The following CHD1L variants were observed in gnomAD, a reference collection of about 807,000 sequenced individuals.
CHD1L encodes ATP-dependent chromatin remodeler CHD1L.
CHD1L carries 118 observed loss-of-function variants against 115.9 expected under a neutral mutation model. The ratio of observed to expected loss-of-function variants is 1.02; its 90% confidence interval spans 0.88 to 1.19. CHD1L has a LOEUF of 1.19. CHD1L is among the 50% of genes most tolerant of loss of function. The pLI is 0.00. For missense variants in CHD1L, 1,179 were observed against 1,065.3 expected, an observed-to-expected ratio of 1.11 and a Z score of -1.49; for synonymous variants, 411 against 387.1, an observed-to-expected ratio of 1.06 and a Z score of -0.72.
chr1:147,228,723 C>CTCA, the CHD1L span, among the ~76,000 whole-genome samples: 1 of 152,172 alleles, frequency 6.6e-6, no homozygotes, highest in East Asian at 1.9e-4. Flanking sequence ...GAGATGGTAT[C>CTCA]TCATTGTGGT....
the CHD1L span, among the ~76,000 whole-genome samples, chr1:147,234,325 A>G: frequency 6.6e-6 from 1 of 152,158 alleles, no homozygotes; most frequent in Non-Finnish European, 1.5e-5. Context: ...TGTCACCCCC[A>G]GGATCTGGTG....
At position 147,268,798 on chromosome 1, in the gene CHD1L, T is replaced by G. The variant is rs782802728; in HGVS notation, c.1005T>G (p.Pro335=). The G allele has an allele frequency of 6.2e-7, 1 of 1,612,908 alleles. No homozygotes were observed. The highest frequency in any genetic ancestry group is 8.5e-7 in the Non-Finnish European group (1 of 1,179,174). Residue 335 remains proline, a synonymous_variant, in exon 10 of 23, where the codon CCT becomes CCG. Transcript: ENST00000369258. Reference sequence around the variant, plus strand: ...CTTTTCTAGGTGTGGAGCCGGAGCCTTTTGAAGTTGGAGACCACCTGACTG... The same window carrying G: ...CTTTTCTAGGTGTGGAGCCGGAGCCGTTTGAAGTTGGAGACCACCTGACTG... ...PYLFDGVEPE[P]FEVGDHLTEA...
chr1:147,222,846 C>T, the CHD1L span, among the ~76,000 whole-genome samples: 14 of 152,144 alleles, frequency 9.2e-5, no homozygotes, highest in Non-Finnish European at 1.5e-5. Context: ...ATGATGGATG[C>T]CCTCCCAACC....
In CHD1L at chr1:147,268,789, G is replaced by T; in HGVS notation, c.996G>T (p.Glu332Asp). ...VDHPYLFDGV[E>D]PEPFEVGDHL... ...GGGTTCTTTCTTTTCTAGGTGTGGA[G>T]CCGGAGCCTTTTGAAGTTGGAGACC... Residue 332 changes from glutamate to aspartate, a missense_variant, in exon 10 of 23, where the codon GAG becomes GAT. Coordinates refer to ENST00000369258, the MANE Select transcript of CHD1L (RefSeq NM_004284.6). 1 of 1,613,186 alleles carries T rather than the reference G, an allele frequency of 6.2e-7. No homozygotes were observed. Among genetic ancestry groups the T allele is most frequent in the Non-Finnish European group, 8.5e-7 (1 of 1,179,432 alleles).
chr1:147,270,521 C>T lies in CHD1L; in HGVS notation c.1086-411C>T, dbSNP rs935733103. ...CTTCAGAGTCTCCAGTTTTTCTTTTCTTTTTTTTTGTGTGTGTATTTGAAT... is the reference window on the plus strand; with the variant it reads ...CTTCAGAGTCTCCAGTTTTTCTTTTTTTTTTTTTTGTGTGTGTATTTGAAT... On this transcript the variant is annotated intron_variant, in intron 10 of 22. Coordinates refer to ENST00000369258, the MANE Select transcript of CHD1L (RefSeq NM_004284.6). Among the ~76,000 whole-genome samples, 71 of 150,406 alleles carry T rather than the reference C, an allele frequency of 4.7e-4. 1 individual carries two copies. Among genetic ancestry groups the T allele is most frequent in the Admixed American group, 3.0e-3 (45 of 15,106 alleles).
intron 15 of CHD1L, 36 bp from the exon 16 acceptor site, chr1:147,284,315 A>G (rs782450830): frequency 6.7e-7 from 1 of 1,487,416 alleles, no homozygotes; most frequent in South Asian, 1.3e-5. Flanking sequence ...TTTCCTTGGT[A>G]TCTAACATTT....
chr1:147,257,594 A>G (rs1457495231), intron 5 of CHD1L, among the ~76,000 whole-genome samples: 3 of 152,204 alleles, frequency 2.0e-5, no homozygotes, highest in Admixed American at 1.3e-4. Context: ...AGAAGTGTAC[A>G]GATATCCATA....
chr1:147,173,491 G>A, the CHD1L span: 1 of 152,284 alleles, frequency 6.6e-6, no homozygotes, highest in Non-Finnish European at 1.5e-5. Flanking sequence ...CATACACAGT[G>A]AGAAACCTCA....
the CHD1L span, among the ~76,000 whole-genome samples, chr1:147,181,777 G>A: frequency 4.6e-5 from 7 of 152,234 alleles, no homozygotes; most frequent in Admixed American, 6.5e-5. Context: ...TTGAGAGTGC[G>A]TGGTAGGGTG....
At chr1:147,176,287 C>G in the CHD1L span, 3 of 151,624 alleles carry the variant, frequency 2.0e-5, no homozygotes, top group Non-Finnish European at 4.4e-5. Context: ...GAAGATAGAC[C>G]CAATTCAAAG....
At chr1:147,280,829 A>G (rs1004708700) in intron 15 of CHD1L, among the ~76,000 whole-genome samples, 1 of 152,126 alleles carries the variant, frequency 6.6e-6, no homozygotes, top group African/African-American at 2.4e-5. Context: ...TCTTGTAGTT[A>G]TTTTGAAATG....
chr1:147,245,691 T>G, intron 1 of CHD1L, among the ~76,000 whole-genome samples: 1 of 89,022 alleles, frequency 1.1e-5, no homozygotes, highest in Non-Finnish European at 2.0e-5. Context: ...TTTTTGAAAA[T>G]TCAACTTTTT....
At chr1:147,210,979 T>C in the CHD1L span, 3 of 152,198 alleles carry the variant, frequency 2.0e-5, no homozygotes, top group Non-Finnish European at 4.4e-5. Flanking sequence ...TATAGGTCCA[T>C]TTAAAGTTTT....
intron 5 of CHD1L, among the ~76,000 whole-genome samples, chr1:147,258,325 A>G (rs1670777622): frequency 6.6e-6 from 1 of 152,122 alleles, no homozygotes; most frequent in Non-Finnish European, 1.5e-5. Flanking sequence ...ACTTCCTTTC[A>G]TGAGCCAAAA....
At chr1:147,228,034 G>C in the CHD1L span, among the ~76,000 whole-genome samples, 1 of 147,300 alleles carries the variant, frequency 6.8e-6, no homozygotes, top group African/African-American at 2.5e-5. Context: ...CATACTTTAA[G>C]TTTTAGGGTA....
chr1:147,205,082 G>C, the CHD1L span: 1 of 612,946 alleles, frequency 1.6e-6, no homozygotes, highest in Non-Finnish European at 2.9e-6. Context: ...GCAAGTCCTG[G>C]AGCATAATGT....
At chr1:147,215,416 A>G in the CHD1L span, 2 of 199,448 alleles carry the variant, frequency 1.0e-5, no homozygotes, top group Non-Finnish European at 2.0e-5. Context: ...GTGGAACCAG[A>G]GAGTTTTAAA....
chr1:147,182,628 G>A, the CHD1L span, among the ~76,000 whole-genome samples: 4 of 152,104 alleles, frequency 2.6e-5, no homozygotes, highest in East Asian at 3.9e-4. Context: ...ATATTATAGC[G>A]AGGCAGAGAG....
the CHD1L span, among the ~76,000 whole-genome samples, chr1:147,197,711 A>G: frequency 6.6e-6 from 1 of 152,164 alleles, no homozygotes; most frequent in South Asian, 2.1e-4. Context: ...CTGTGAGTGA[A>G]TTAAACCTCT....
Sources: gnomAD v4.1 joint callset for allele counts (sites outside exome capture counted in the v4.1 genomes callset) on GRCh38, gnomAD v4.1.1 for gene constraint, MANE v1.5 for transcripts, NCBI Gene and HGNC (gene_info 2026-07-23, HGNC 2026-07-21) for gene names.